Variants in SPAST observed in about 807,000 individuals in gnomAD.
SPAST encodes the protein spastic paraplegia 4 (autosomal dominant; spastin).
A neutral mutation model predicts 76.6 loss-of-function variants in SPAST; 30 were observed. The ratio of observed to expected loss-of-function variants is 0.39; its 90% confidence interval spans 0.29 to 0.53. The LOEUF (loss-of-function observed/expected upper bound fraction) is 0.53, where lower values mean the gene tolerates loss of function less well. Among genes scored for constraint, SPAST ranks in the 20% least tolerant of loss-of-function variants. The pLI, the probability that SPAST is intolerant of heterozygous loss-of-function variation, is 0.68. For missense variants in SPAST, 717 were observed against 770.5 expected, an observed-to-expected ratio of 0.93 and a Z score of 0.82; for synonymous variants, 305 against 281.0, an observed-to-expected ratio of 1.09 and a Z score of -0.86.
chr2:32,066,786 C>T (rs1676529247), intron 1 of SPAST, among the ~76,000 whole-genome samples: 1 of 152,006 alleles, frequency 6.6e-6, no homozygotes, highest in African/African-American at 2.4e-5. Context: ...CCAGCCTGGG[C>T]AACATAGTGA....
intron 1 of SPAST, among the ~76,000 whole-genome samples, chr2:32,076,323 C>A (rs901418272): frequency 1.3e-5 from 2 of 152,140 alleles, no homozygotes; most frequent in African/African-American, 4.8e-5. Flanking sequence ...GAAAATAATT[C>A]TTTACCTTGA....
intron 1 of SPAST, among the ~76,000 whole-genome samples, chr2:32,075,894 C>CTTTTTTTT (rs1286144548): frequency 1.0e-4 from 9 of 87,196 alleles, no homozygotes; most frequent in Non-Finnish European, 1.5e-4. Flanking sequence ...ATTCAAAATG[C>CTTTTTTTT]TCTTTTTTTT....
At chr2:32,125,458 G>C (rs1165655598) in intron 7 of SPAST, among the ~76,000 whole-genome samples, 1 of 151,938 alleles carries the variant, frequency 6.6e-6, no homozygotes, top group African/African-American at 2.4e-5. Flanking sequence ...CCTGATCTCA[G>C]GGGATCTGCC....
chr2:32,089,891 G>A (rs1357051535), intron 3 of SPAST, among the ~76,000 whole-genome samples: 2 of 152,038 alleles, frequency 1.3e-5, no homozygotes, highest in Admixed American at 6.6e-5. Flanking sequence ...AGCCTCCTGA[G>A]TAGCTGGGAC....
chr2:32,154,348 T>A, intron 16 of SPAST, 26 bp from the exon 17 acceptor site: 1 of 1,602,138 alleles, frequency 6.2e-7, no homozygotes, highest in Non-Finnish European at 8.6e-7. Context: ...ATCATTTGTA[T>A]TGTCATGTGC....
intron 16 of SPAST, among the ~76,000 whole-genome samples, chr2:32,152,134 C>T (rs975257458): frequency 6.6e-6 from 1 of 151,988 alleles, no homozygotes; most frequent in African/African-American, 2.4e-5. Context: ...ACTTATTTCC[C>T]CCCTTAACTG....
chr2:32,096,588 A>G (rs1573084351), intron 3 of SPAST, among the ~76,000 whole-genome samples: 2 of 152,324 alleles, frequency 1.3e-5, no homozygotes, highest in Admixed American at 1.3e-4. Flanking sequence ...GTTTCTACAC[A>G]TATAAATCTG....
chr2:32,087,374 T>C, intron 1 of SPAST, 118 bp from the exon 2 acceptor site: 1 of 596,710 alleles, frequency 1.7e-6, no homozygotes, highest in East Asian at 3.0e-5. Flanking sequence ...AGTTATATAG[T>C]AATGTTTCTC....
intron 1 of SPAST, 58 bp downstream of exon 1, chr2:32,064,304 CG>C: frequency 5.5e-6 from 2 of 362,218 alleles, no homozygotes; most frequent in East Asian, 6.5e-5. Context: ...GTGGGGTCGC[CG>C]GGGGAGGGCA....
intron 9 of SPAST, 39 bp from the exon 10 acceptor site, chr2:32,136,524 T>C (rs977624859): frequency 7.3e-7 from 1 of 1,375,894 alleles, no homozygotes; most frequent in Non-Finnish European, 1.0e-6. Context: ...GGAATAATGT[T>C]GCATTTTATG....
intron 1 of SPAST, among the ~76,000 whole-genome samples, chr2:32,082,309 CT>C (rs1462483532): frequency 2.0e-5 from 3 of 151,586 alleles, no homozygotes; most frequent in African/African-American, 7.3e-5. Flanking sequence ...CTCTTCTAAT[CT>C]TACTATAGTA....
chr2:32,146,186 G>T (rs1679879623), intron 15 of SPAST, among the ~76,000 whole-genome samples: 1 of 152,154 alleles, frequency 6.6e-6, no homozygotes, highest in Non-Finnish European at 1.5e-5. Flanking sequence ...ATGCATAAAT[G>T]AGTTGTATTT....
intron 10 of SPAST, 23 bp downstream of exon 10, chr2:32,136,661 A>G: frequency 6.4e-7 from 1 of 1,554,190 alleles, no homozygotes; most frequent in Non-Finnish European, 8.9e-7. Flanking sequence ...TTTCCAACTA[A>G]GTTATTGACT....
chr2:32,091,805 G>T (rs1177090432), intron 3 of SPAST, among the ~76,000 whole-genome samples: 1 of 151,756 alleles, frequency 6.6e-6, no homozygotes, highest in Non-Finnish European at 1.5e-5. Flanking sequence ...CTGCACTCCA[G>T]GCTGGGCAAA....
chr2:32,137,921 G>C (rs1412927137), intron 12 of SPAST, among the ~76,000 whole-genome samples: 1 of 152,094 alleles, frequency 6.6e-6, no homozygotes, highest in African/African-American at 2.4e-5. Flanking sequence ...TTGGTTTACT[G>C]TTCCCACATT....
At position 32,147,267 on chromosome 2, in the gene SPAST, T is replaced by A; in HGVS notation, c.1728+9T>A. 1 of 1,582,636 alleles carries A rather than the reference T, an allele frequency of 6.3e-7. No homozygotes were observed. Among genetic ancestry groups the A allele is most frequent in the East Asian group, 2.2e-5 (1 of 44,668 alleles). ...ATATGTCTGCCAGTGAGGTATAGTA[T>A]TTTACAATGATATTTTCTTTGTCTT... On this transcript the variant is annotated intron_variant, in intron 16 of 16. Coordinates refer to ENST00000315285, the MANE Select transcript of SPAST (RefSeq NM_014946.4).
chr2:32,097,258 G>T (rs548543103), intron 3 of SPAST, among the ~76,000 whole-genome samples: 2 of 152,104 alleles, frequency 1.3e-5, no homozygotes, highest in South Asian at 4.1e-4. Flanking sequence ...CTTGGGAGGG[G>T]TTTTTGTTGT....
chr2:32,144,633 CT>C (rs1269800026), intron 14 of SPAST, among the ~76,000 whole-genome samples: 1 of 152,148 alleles, frequency 6.6e-6, no homozygotes, highest in Non-Finnish European at 1.5e-5. Flanking sequence ...TGCCTGTAAT[CT>C]CACTACTTTG....
At position 32,123,735 on chromosome 2, in the gene SPAST, TG is replaced by T. The variant is rs575596000; in HGVS notation, c.1099-3212del. The stretch of plus-strand genomic sequence containing the variant: ...ATCAACCCACACAGATAAAGTCAAC[TG>T]ATCTTTGGCAAAGGGACAAAGACAA... On this transcript the variant is annotated intron_variant, in intron 7 of 16. Transcript: ENST00000315285. 3.9e-5 allele frequency among the ~76,000 whole-genome samples: 6 copies of T among 152,192 alleles called. No individual in the cohort carries two copies. The South Asian group carries it at 1.2e-3, about 31-fold the overall frequency.
Sources: allele counts gnomAD v4.1 joint callset (sites outside exome capture counted in the v4.1 genomes callset), GRCh38; gene constraint gnomAD v4.1.1; transcripts MANE v1.5; gene names NCBI Gene and HGNC (gene_info 2026-07-23, HGNC 2026-07-21).